CPS1: variants seen among roughly 807,000 people sequenced by gnomAD.
CPS1 encodes carbamoyl-phosphate synthase 1.
In CPS1, 109 loss-of-function variants were observed where a neutral mutation model predicts 174.6. The observed-to-expected ratio is 0.62, with a 90% CI of 0.53 to 0.73. The LOEUF (loss-of-function observed/expected upper bound fraction) is 0.73. Among genes scored for constraint, CPS1 ranks in the 30% least tolerant of loss-of-function variants. The pLI, the probability that CPS1 is intolerant of heterozygous loss-of-function variation, is 0.00. For synonymous variants in CPS1, 637 were observed against 632.0 expected, an observed-to-expected ratio of 1.01 and a Z score of -0.12; for missense variants, 1,689 against 1,821.9, an observed-to-expected ratio of 0.93 and a Z score of 1.33.
At chr2:210,579,876 G>C (rs1697856781) in intron 5 of CPS1, 106 bp downstream of exon 5, 1 of 925,394 alleles carries the variant, frequency 1.1e-6, no homozygotes. Context: ...ATATGTAAAG[G>C]AGTGAATCTG....
chr2:210,631,190 A>T (rs1034173325), intron 21 of CPS1: 7 of 152,140 alleles, frequency 4.6e-5, no homozygotes, highest in Non-Finnish European at 1.0e-4. Flanking sequence ...CAAGTGGAAG[A>T]GAGGACTGTG....
At chr2:210,557,044 C>T (rs935953274) in intron 1 of CPS1, among the ~76,000 whole-genome samples, 185 bp downstream of exon 1, 3 of 152,188 alleles carry the variant, frequency 2.0e-5, no homozygotes, top group East Asian at 3.9e-4. Flanking sequence ...ATCTGAGTAA[C>T]ATGACAGTAA....
intron 1 of CPS1, among the ~76,000 whole-genome samples, chr2:210,505,790 G>A (rs1695264298): frequency 6.6e-6 from 1 of 152,186 alleles, no homozygotes; most frequent in Non-Finnish European, 1.5e-5. Flanking sequence ...CTTGCTCATT[G>A]CTAATACAGC....
rs536052737 is a variant in CPS1 at position 210,593,281 on chromosome 2, G to A, written c.1164+325G>A. 347 of 970,138 alleles carry A rather than the reference G, an allele frequency of 3.6e-4. 1 individual carries two copies. Among genetic ancestry groups the A allele is most frequent in the Non-Finnish European group, 4.2e-4 (319 of 758,636 alleles). The allele number at this position is 970,138 out of a possible 1,614,324, so 60.1% of individuals were successfully genotyped here. On this transcript the variant is annotated intron_variant, in intron 11 of 37. Transcript: ENST00000233072. Reference sequence around the variant, plus strand: ...AATGAATTCCCTTTTGCTCTCTCTCGTTCTCATGACTGAAATGAAATTTTA... The same window carrying A: ...AATGAATTCCCTTTTGCTCTCTCTCATTCTCATGACTGAAATGAAATTTTA...
rs759035391 is a variant in CPS1, at chr2:210,677,113, A to C, written c.4381A>C (p.Ile1461Leu). Residue 1461 changes from isoleucine (I) to leucine (L), a missense_variant, in exon 37 of 38, where the codon ATC becomes CTC. Transcript: ENST00000233072. ...TCGGAGGACAGCTGTTGATAGTGGA[A>C]TCCCTCTCCTCACTAATTTTCAGGT... ...VIRRTAVDSG[I>L]PLLTNFQVTK... 2 of 1,613,842 alleles carry C rather than the reference A, an allele frequency of 1.2e-6. No homozygotes were observed. The highest frequency in any genetic ancestry group is 4.5e-5 in the East Asian group (2 of 44,846).
In CPS1 at chr2:210,660,635, GCTGA is replaced by G; in HGVS notation, c.3910_3913del (p.Asp1304MetfsTer14). 3 of 1,614,046 alleles carry G rather than the reference GCTGA, an allele frequency of 1.9e-6. No individual in the cohort carries two copies. Among genetic ancestry groups the G allele is most frequent in the Middle Eastern group, 3.3e-4 (2 of 6,060 alleles). On this transcript the variant is annotated frameshift_variant, in exon 32 of 38. Transcript: ENST00000233072. LOFTEE classifies it high-confidence loss of function. ...AACATTGGACCATCCCATAATTCCT[GCTGA>G]CTATGTTGCAATTAAGGTAACATTT...
rs1341157425 is a variant in CPS1, at chr2:210,660,615, T to C, written c.3887T>C (p.Leu1296Ser). 6.2e-7 allele frequency: 1 copy of C among 1,614,172 alleles called. No individual in the cohort carries two copies. Among genetic ancestry groups the C allele is most frequent in the East Asian group, 2.2e-5 (1 of 44,872 alleles). Residue 1296 changes from leucine (L) to serine (S), a missense_variant, in exon 32 of 38, where the codon TTG becomes TCG. Transcript: ENST00000233072. ...GTTGATGAGAAACATCTTCCAACAT[T>C]GGACCATCCCATAATTCCTGCTGAC... is the stretch of plus-strand genomic sequence containing the variant. Reference protein sequence around the residue: ...ENVDEKHLPTLDHPIIPADYV... With the variant: ...ENVDEKHLPTSDHPIIPADYV...
intron 20 of CPS1, among the ~76,000 whole-genome samples, 200 bp from the exon 21 acceptor site, chr2:210,616,223 G>A (rs908245582): frequency 5.3e-5 from 8 of 151,932 alleles, no homozygotes; most frequent in African/African-American, 1.7e-4. Flanking sequence ...TACTCTGTAT[G>A]CCATTTGTGG....
At chr2:210,672,843 T>G (rs1701358362) in intron 34 of CPS1, 1 of 152,194 alleles carries the variant, frequency 6.6e-6, no homozygotes, top group Non-Finnish European at 1.5e-5. Flanking sequence ...TATTTACCAA[T>G]AGTTTCCTCT....
chr2:210,540,493 T>A (rs1188405754), intron 1 of CPS1, among the ~76,000 whole-genome samples: 1 of 152,318 alleles, frequency 6.6e-6, no homozygotes, highest in South Asian at 2.1e-4. Flanking sequence ...GTATGCACAT[T>A]TTACATTTCA....
intron 2 of CPS1, among the ~76,000 whole-genome samples, chr2:210,575,114 T>C (rs1201531710): frequency 6.6e-6 from 1 of 152,100 alleles, no homozygotes; most frequent in Non-Finnish European, 1.5e-5. Context: ...TGATGGAAGC[T>C]GCGGAAAAAC....
chr2:210,543,810 T>TC (rs1374410738), intron 1 of CPS1, among the ~76,000 whole-genome samples: 1 of 152,094 alleles, frequency 6.6e-6, no homozygotes, highest in Admixed American at 6.6e-5. Flanking sequence ...TAAAAGATAC[T>TC]CAACTTGTTG....
chr2:210,668,853 A>G (rs892476028), intron 34 of CPS1, among the ~76,000 whole-genome samples: 2 of 152,184 alleles, frequency 1.3e-5, no homozygotes, highest in Non-Finnish European at 2.9e-5. Flanking sequence ...CTGAAGTCAT[A>G]TCTGTTCTCT....
chr2:210,611,680 A>G (rs1328618932), intron 19 of CPS1, among the ~76,000 whole-genome samples: 3 of 151,962 alleles, frequency 2.0e-5, no homozygotes, highest in African/African-American at 7.2e-5. Context: ...ACTGACTGAT[A>G]CTCATTTACA....
At chr2:210,661,621 A>G (rs1453573505) in intron 32 of CPS1, among the ~76,000 whole-genome samples, 1 of 152,116 alleles carries the variant, frequency 6.6e-6, no homozygotes, top group Non-Finnish European at 1.5e-5. Context: ...TTTATAGTGC[A>G]TTGAGATGGA....
chr2:210,533,843 C>T (rs930308158), intron 1 of CPS1, among the ~76,000 whole-genome samples: 15 of 152,156 alleles, frequency 9.9e-5, no homozygotes, highest in African/African-American at 2.9e-4. Context: ...ATCAAATGAT[C>T]ATTCATAAAC....
intron 1 of CPS1, among the ~76,000 whole-genome samples, chr2:210,565,258 A>G (rs965453134): frequency 6.6e-5 from 10 of 152,102 alleles, no homozygotes; most frequent in African/African-American, 2.4e-4. Context: ...AACATTTAGT[A>G]TTACTAGGCC....
intron 19 of CPS1, among the ~76,000 whole-genome samples, chr2:210,611,740 C>T (rs1284454704): frequency 6.6e-6 from 1 of 151,748 alleles, no homozygotes; most frequent in African/African-American, 2.4e-5. Context: ...TTTTATTTGC[C>T]TTCCATTCTA....
intron 1 of CPS1, among the ~76,000 whole-genome samples, chr2:210,510,951 A>G (rs1036411748): frequency 6.6e-6 from 1 of 152,342 alleles, no homozygotes; most frequent in African/African-American, 2.4e-5. Flanking sequence ...AACTAGTTCA[A>G]CAATTGTGGA....
Sources: allele counts gnomAD v4.1 joint callset (sites outside exome capture counted in the v4.1 genomes callset), GRCh38; gene constraint gnomAD v4.1.1; transcripts MANE v1.5; gene names NCBI Gene and HGNC (gene_info 2026-07-23, HGNC 2026-07-21).